KIFC1: variants seen among roughly 807,000 people sequenced by gnomAD.
The protein encoded by KIFC1 is kinesin-like protein KIFC1.
KIFC1 carries 37 observed loss-of-function variants against 66.6 expected under a neutral mutation model. The observed-to-expected ratio is 0.56, with a 90% confidence interval of 0.43 to 0.73. The LOEUF (loss-of-function observed/expected upper bound fraction) is 0.73, where lower values mean the gene tolerates loss of function less well. Ranked by LOEUF, KIFC1 falls within the 30% of genes least tolerant of loss-of-function variation. KIFC1 has a pLI of 0.00. For synonymous variants in KIFC1, 325 were observed against 343.5 expected (o/e 0.95, Z 0.60); for missense variants, 721 against 859.8 (o/e 0.84, Z 2.02).
At chr6:33,397,359 G>A (rs1293307670) in intron 1 of KIFC1, among the ~76,000 whole-genome samples, 3 of 145,538 alleles carry the variant, frequency 2.1e-5, no homozygotes, top group East Asian at 2.0e-4. Context: ...GTGCAGTGGC[G>A]TGATCTCGGC....
At chr6:33,392,772 T>C (rs1774854075) in intron 1 of KIFC1, among the ~76,000 whole-genome samples, 1 of 152,192 alleles carries the variant, frequency 6.6e-6, no homozygotes, top group Non-Finnish European at 1.5e-5. Flanking sequence ...CTTTCTCTCG[T>C]GACAACCAGA....
rs1031515611 is a variant in KIFC1 at position 33,406,527 on chromosome 6, A to G, written c.1827+41A>G. The G allele has an allele frequency of 3.1e-6, 5 of 1,611,298 alleles. No homozygotes were observed. The East Asian group carries it at 6.7e-5, about 22-fold the overall frequency. On this transcript the variant is annotated intron_variant, in intron 8 of 10. Coordinates refer to ENST00000428849, the MANE Select transcript of KIFC1 (RefSeq NM_002263.4). The surrounding 1 kb of genome is among the most constrained non-coding windows in gnomAD (Gnocchi z 4.5). ...GGGTGAGATACGGGACCTGGGGGAC[A>G]GTTGGGGTTGGCTGTGCAGAACCCT...
At position 33,406,114 on chromosome 6, in the gene KIFC1, G is replaced by A. The variant is rs183005753; in HGVS notation, c.1537-82G>A. ...GGCTAGAAAGCTTCAAGAGGGTGGG[G>A]GTGGGCTCTTATTCATTTCCATACA... On this transcript the variant is annotated intron_variant, in intron 7 of 10. Coordinates refer to ENST00000428849, the MANE Select transcript of KIFC1 (RefSeq NM_002263.4). This position sits in a 1 kb window ranked among gnomAD's most constrained non-coding sequence, Gnocchi z 4.5. The A allele has an allele frequency of 1.4e-4, 184 of 1,295,112 alleles. No individual in the cohort carries two copies. In the African/African-American group the frequency reaches 2.2e-3, roughly 16 times the overall value. The allele number at this position is 1,295,112 out of a possible 1,614,324, so 80.2% of individuals were successfully genotyped here. A position where few individuals can be genotyped will look rare whatever the true frequency, so the allele number is the denominator to read the frequency against.
rs538398877 is a variant in KIFC1, at chr6:33,402,861, C to T, written c.251-453C>T. 1.1e-3 allele frequency among the ~76,000 whole-genome samples: 174 copies of T among 152,176 alleles called. 10 individuals carry two copies. In the South Asian group the frequency reaches 0.035, roughly 31 times the overall value. On this transcript the variant is annotated intron_variant, in intron 3 of 10. Transcript: ENST00000428849. ...AATTAGTTGGGCGTGGTGGCGCATA[C>T]CTATAATCCCAGCTACTCGGGAGGC... is the stretch of plus-strand genomic sequence containing the variant.
At chr6:33,395,002 A>G (rs1213864312) in intron 1 of KIFC1, among the ~76,000 whole-genome samples, 1 of 152,194 alleles carries the variant, frequency 6.6e-6, no homozygotes, top group Admixed American at 6.5e-5. Flanking sequence ...AAGAAAGCCT[A>G]TTAAGGAAAA....
chr6:33,403,900 A>G lies in KIFC1; in HGVS notation c.527A>G (p.Gln176Arg). ...CAGGACCAGCTCAGAGATGCCCAGC[A>G]GCAGGTCAAGGCCCTGGGGACAGAG... ...QLQDQLRDAQQQVKALGTERT... is the reference protein window; with the variant it reads ...QLQDQLRDAQRQVKALGTERT... Residue 176 changes from glutamine (Q) to arginine (R), a missense_variant, in exon 6 of 11, where the codon CAG (glutamine) becomes CGG (arginine). Coordinates refer to ENST00000428849, the MANE Select transcript of KIFC1 (RefSeq NM_002263.4). The surrounding 1 kb of genome is among the most constrained non-coding windows in gnomAD (Gnocchi z 4.6). 6.2e-7 allele frequency: 1 copy of G among 1,614,246 alleles called. No homozygotes were observed. The highest frequency in any genetic ancestry group is 8.5e-7 in the Non-Finnish European group (1 of 1,180,034).
chr6:33,400,435 T>G lies in KIFC1; in HGVS notation c.250+2048T>G, dbSNP rs1016331418. 9.4e-6 allele frequency: 15 copies of G among 1,602,218 alleles called. No homozygotes were observed. The highest frequency in any genetic ancestry group is 1.3e-5 in the Non-Finnish European group (15 of 1,174,006). On this transcript the variant is annotated intron_variant, in intron 3 of 10. Coordinates refer to ENST00000428849, the MANE Select transcript of KIFC1 (RefSeq NM_002263.4). The surrounding 1 kb of genome is among the most constrained non-coding windows in gnomAD (Gnocchi z 4.3). ...TGCCTTGGCAATGTCATCACCAACC[T>G]TTTTTGGAGACAGACCCAGGGGGCC...
intron 1 of KIFC1, among the ~76,000 whole-genome samples, chr6:33,395,608 G>T (rs907675287): frequency 5.3e-5 from 8 of 152,144 alleles, no homozygotes; most frequent in African/African-American, 1.7e-4. Flanking sequence ...TTAATAGATG[G>T]GAAAAATATA....
Position 33,404,760 on chromosome 6 carries a change from C to A in KIFC1, c.757-92C>A. On this transcript the variant is annotated intron_variant, in intron 6 of 10. Coordinates refer to ENST00000428849, the MANE Select transcript of KIFC1 (RefSeq NM_002263.4). The surrounding 1 kb of genome is among the most constrained non-coding windows in gnomAD (Gnocchi z 4.0). ...ACTTTGAGGTCCTTTTGAGCAGGGA[C>A]CTCACTTCCACCCACTCCATACGCC... The A allele has an allele frequency of 8.2e-7, 1 of 1,218,078 alleles. No homozygotes were observed. Among genetic ancestry groups the A allele is most frequent in the Non-Finnish European group, 1.2e-6 (1 of 865,100 alleles). 75.5% of individuals were successfully genotyped at this position (1,218,078 alleles called of 1,614,324 possible).
chr6:33,395,319 A>G (rs1774979951), intron 1 of KIFC1, among the ~76,000 whole-genome samples: 2 of 152,188 alleles, frequency 1.3e-5, no homozygotes, highest in Admixed American at 6.5e-5. Flanking sequence ...AATTGGAGTG[A>G]TGCCATAGAG....
intron 3 of KIFC1, among the ~76,000 whole-genome samples, chr6:33,398,700 A>C (rs1037093274): frequency 6.6e-6 from 1 of 152,126 alleles, no homozygotes; most frequent in Non-Finnish European, 1.5e-5. Context: ...TCCTGACCTC[A>C]GGTGATCCAC....
Position 33,398,058 on chromosome 6 carries a change from C to G in KIFC1, c.42C>G (p.Asn14Lys), listed in dbSNP as rs1278592970. The stretch of plus-strand genomic sequence containing the variant: ...CCCCCCTATTGGAAGTAAAGGGGAA[C>G]ATAGAACTGAAGAGACCTCTGATTA... ...QRSPLLEVKG[N>K]IELKRPLIKA... The change falls in exon 2 of 11, where the codon AAC becomes AAG. Residue 14 changes from asparagine (N) to lysine (K), a missense_variant. Asn to Lys is a moderately conservative substitution (Grantham distance 94). Coordinates refer to ENST00000428849, the MANE Select transcript of KIFC1 (RefSeq NM_002263.4). 6.2e-7 allele frequency: 1 copy of G among 1,613,988 alleles called. No individual in the cohort carries two copies. The highest frequency in any genetic ancestry group is 1.1e-5 in the South Asian group (1 of 91,076).
rs901847419 is a variant in KIFC1, at chr6:33,394,049, A to G, written c.12+2052A>G. ...GCATGAGCCACTGCACCTGGCCAAC[A>G]TTTTTTATTGTCGTGACTAGGTGGG... On this transcript the variant is annotated intron_variant, in intron 1 of 10. Transcript: ENST00000428849. Among the ~76,000 whole-genome samples, 6 of 152,070 alleles carry G rather than the reference A, an allele frequency of 3.9e-5. No homozygotes were observed. The East Asian group carries it at 9.7e-4, about 25-fold the overall frequency.
At chr6:33,391,727 C>T (rs906705701), upstream of KIFC1, 2 of 601,900 alleles carry the variant, frequency 3.3e-6, no homozygotes, top group Non-Finnish European at 5.9e-6. Context: ...GGTGTGGCTT[C>T]GGGTGGCGGA....
chr6:33,409,668 C>T lies in KIFC1; in HGVS notation c.2000C>T (p.Thr667Ile). 6.2e-7 allele frequency: 1 copy of T among 1,608,182 alleles called. No homozygotes were observed. Among genetic ancestry groups the T allele is most frequent in the Non-Finnish European group, 8.5e-7 (1 of 1,178,262 alleles). The change falls in exon 11 of 11, where the codon ACT becomes ATT. Residue 667 changes from threonine to isoleucine, a missense_variant. Transcript: ENST00000428849. Reference sequence around the variant, plus strand: ...CAGGTGAACCAGTGTGTTATTGGTACTGCTCAGGCCAACAGGAAGTGAAGA... The same window carrying T: ...CAGGTGAACCAGTGTGTTATTGGTATTGCTCAGGCCAACAGGAAGTGAAGA... ...ASKVNQCVIG[T>I]AQANRK
In KIFC1 at chr6:33,409,703, A is replaced by ATGTGTGTGTG. The variant is rs1554300493; in HGVS notation, c.*14_*15insGTGTGTGTGT. Reference sequence around the variant, plus strand: ...CAACAGGAAGTGAAGACGGATCCAGATCTGTGTGTGTGTGTGTGTGTGTGT... The same window carrying ATGTGTGTGTG: ...CAACAGGAAGTGAAGACGGATCCAGATGTGTGTGTGTCTGTGTGTGTGTGTGTGTGTGTGT... On this transcript the variant is annotated 3_prime_UTR_variant, in exon 11 of 11. Coordinates refer to ENST00000428849, the MANE Select transcript of KIFC1 (RefSeq NM_002263.4). The ATGTGTGTGTG allele has an allele frequency of 7.6e-7, 1 of 1,319,244 alleles. No individual in the cohort carries two copies. The highest frequency in any genetic ancestry group is 1.9e-5 in the African/African-American group (1 of 53,750). The allele number at this position is 1,319,244 out of a possible 1,614,324, so 81.7% of individuals were successfully genotyped here.
At position 33,405,867 on chromosome 6, in the gene KIFC1, CA is replaced by C. The variant is rs1365092682; in HGVS notation, c.1536+237del. Among the ~76,000 whole-genome samples the C allele has an allele frequency of 1.3e-5, 2 of 152,054 alleles. No homozygotes were observed. Among genetic ancestry groups the C allele is most frequent in the African/African-American group, 4.8e-5 (2 of 41,406 alleles). On this transcript the variant is annotated intron_variant, in intron 7 of 10. Coordinates refer to ENST00000428849, the MANE Select transcript of KIFC1 (RefSeq NM_002263.4). This position sits in a 1 kb window ranked among gnomAD's most constrained non-coding sequence, Gnocchi z 5.4. Reference sequence around the variant, plus strand: ...AGGAGGGTCACTACATCTCATGTCTCATCTTCTTGCTCAGCTCATCCTAGCC... The same window carrying C: ...AGGAGGGTCACTACATCTCATGTCTCTCTTCTTGCTCAGCTCATCCTAGCC...
chr6:33,395,764 T>C (rs992890694), intron 1 of KIFC1, among the ~76,000 whole-genome samples: 1 of 152,204 alleles, frequency 6.6e-6, no homozygotes, highest in South Asian at 2.1e-4. Flanking sequence ...TTTTAAAAAT[T>C]AGTGTTTGAC....
In KIFC1 at chr6:33,405,034, A is replaced by G. The variant is rs1320817474; in HGVS notation, c.939A>G (p.Val313=). Residue 313 remains valine (V), a synonymous_variant, in exon 7 of 11, where the codon GTA becomes GTG. Transcript: ENST00000428849. This position sits in a 1 kb window ranked among gnomAD's most constrained non-coding sequence, Gnocchi z 5.4. ...AGGAACTCAAGGGCAACATCCGTGT[A>G]TTCTGCCGGGTCCGCCCTGTCCTGC... ...QLQELKGNIR[V]FCRVRPVLPG... is the part of the protein sequence containing the mutation. 6.2e-7 allele frequency: 1 copy of G among 1,613,990 alleles called. No homozygotes were observed. The highest frequency in any genetic ancestry group is 1.3e-5 in the African/African-American group (1 of 74,912).
Sources: allele counts gnomAD v4.1 joint callset (sites outside exome capture counted in the v4.1 genomes callset), GRCh38; gene constraint gnomAD v4.1.1; non-coding constraint Gnocchi (gnomAD v3.1); transcripts MANE v1.5; gene names NCBI Gene and HGNC (gene_info 2026-07-23, HGNC 2026-07-21).